NKAIN3: variants seen among roughly 807,000 people sequenced by gnomAD.
The protein encoded by NKAIN3 is sodium/potassium-transporting ATPase subunit beta-1-interacting protein 3.
In NKAIN3, 25 loss-of-function variants were observed where a neutral mutation model predicts 30.2. The ratio of observed to expected loss-of-function variants is 0.83; its 90% CI spans 0.60 to 1.16. The LOEUF is 1.16. Ranked by LOEUF, NKAIN3 falls within the 50% of genes most tolerant of loss-of-function variation. NKAIN3 has a pLI of 0.00. For synonymous variants in NKAIN3, 91 were observed against 89.6 expected (o/e 1.02, Z -0.09); for missense variants, 225 against 254.1 (o/e 0.89, Z 0.78).
At chr8:62,438,027 TATTA>T (rs750039100) in intron 1 of NKAIN3, among the ~76,000 whole-genome samples, 107 of 152,326 alleles carry the variant, frequency 7.0e-4, no homozygotes, top group Middle Eastern at 6.8e-3. Flanking sequence ...CATAAACCTA[TATTA>T]ATTATTTCCA....
intron 1 of NKAIN3, among the ~76,000 whole-genome samples, chr8:62,359,289 C>T (rs1450692299): frequency 6.6e-6 from 1 of 152,076 alleles, no homozygotes; most frequent in African/African-American, 2.4e-5. Flanking sequence ...CAATAAATAC[C>T]ATCCTTTTTA....
At chr8:62,802,681 C>T (rs10094781) in intron 4 of NKAIN3, among the ~76,000 whole-genome samples, 2,986 of 152,234 alleles carry the variant, frequency 0.02, 96 homozygotes, top group African/African-American at 0.068. Context: ...TAAAGACCAT[C>T]GAGGCTAGGA....
intron 1 of NKAIN3, among the ~76,000 whole-genome samples, chr8:62,525,424 C>T (rs540521228): frequency 6.6e-6 from 1 of 152,244 alleles, no homozygotes; most frequent in South Asian, 2.1e-4. Context: ...CTGTTTTGTA[C>T]ACCAGCTTCT....
In NKAIN3 at chr8:62,969,985, A is replaced by G. The variant is rs956036154; in HGVS notation, c.*4578A>G. ...TGAGATGAAAGAATCACTTGAGGCCAGGAGTTCAAGACCAGCTTGGGCAAA... is the reference window on the plus strand; with the variant it reads ...TGAGATGAAAGAATCACTTGAGGCCGGGAGTTCAAGACCAGCTTGGGCAAA... On this transcript the variant is annotated 3_prime_UTR_variant, in exon 7 of 7. Transcript: ENST00000623646. Among the ~76,000 whole-genome samples, 17 of 152,192 alleles carry G rather than the reference A, an allele frequency of 1.1e-4. No homozygotes were observed. Among genetic ancestry groups the G allele is most frequent in the African/African-American group, 4.1e-4 (17 of 41,454 alleles).
At chr8:62,750,134 C>T (rs975474849) in intron 4 of NKAIN3, among the ~76,000 whole-genome samples, 2 of 151,920 alleles carry the variant, frequency 1.3e-5, no homozygotes, top group African/African-American at 4.8e-5. Flanking sequence ...AATAGAGGGG[C>T]AGCTTCGAGA....
At chr8:62,307,267 CAAAAA>C (rs10598782) in intron 1 of NKAIN3, among the ~76,000 whole-genome samples, 3 of 107,964 alleles carry the variant, frequency 2.8e-5, no homozygotes, top group African/African-American at 3.4e-5. Context: ...TCTCTTCTAG[CAAAAA>C]AAAAAAAAAA....
chr8:62,868,060 A>G (rs1415201298), intron 4 of NKAIN3, among the ~76,000 whole-genome samples: 1 of 152,208 alleles, frequency 6.6e-6, no homozygotes, highest in Non-Finnish European at 1.5e-5. Context: ...CAAAGAGTGT[A>G]CTGGATCTGA....
intron 3 of NKAIN3, among the ~76,000 whole-genome samples, chr8:62,704,663 G>T (rs1005891358): frequency 6.6e-6 from 1 of 152,172 alleles, no homozygotes; most frequent in Non-Finnish European, 1.5e-5. Flanking sequence ...ATCCCAAAGA[G>T]AGCCTTCTAG....
chr8:62,600,569 G>A (rs907596093), intron 3 of NKAIN3, among the ~76,000 whole-genome samples: 43 of 151,992 alleles, frequency 2.8e-4, no homozygotes, highest in Admixed American at 4.6e-4. Flanking sequence ...GCTTCCTTCC[G>A]AAGGTCACTT....
chr8:62,629,299 C>T (rs114297409), intron 3 of NKAIN3, among the ~76,000 whole-genome samples: 167 of 152,154 alleles, frequency 1.1e-3, no homozygotes, highest in African/African-American at 3.8e-3. Context: ...TAATATACAC[C>T]ATAACCCTAG....
At chr8:62,900,145 G>C (rs1203440885) in intron 4 of NKAIN3, among the ~76,000 whole-genome samples, 1 of 152,042 alleles carries the variant, frequency 6.6e-6, no homozygotes, top group Non-Finnish European at 1.5e-5. Context: ...AATTGAAAAA[G>C]TTACAATAAG....
At chr8:62,367,918 C>G (rs1025039471) in intron 1 of NKAIN3, among the ~76,000 whole-genome samples, 1 of 152,002 alleles carries the variant, frequency 6.6e-6, no homozygotes, top group African/African-American at 2.4e-5. Context: ...TCAGTAGTGT[C>G]TCTACACTAA....
chr8:62,274,789 C>G (rs1177953528), intron 1 of NKAIN3, among the ~76,000 whole-genome samples: 1 of 146,744 alleles, frequency 6.8e-6, no homozygotes, highest in East Asian at 2.1e-4. Context: ...TGTTCCCCTT[C>G]CTGTGTCCAT....
intron 1 of NKAIN3, among the ~76,000 whole-genome samples, chr8:62,345,376 T>TATATACAC (rs1563942344): frequency 4.2e-4 from 8 of 19,124 alleles, no homozygotes; most frequent in South Asian, 5.3e-3. Flanking sequence ...TATATACACA[T>TATATACAC]ATATGTATAT....
At chr8:62,453,391 G>A (rs1267463585) in intron 1 of NKAIN3, among the ~76,000 whole-genome samples, 5 of 152,098 alleles carry the variant, frequency 3.3e-5, no homozygotes, top group African/African-American at 1.2e-4. Context: ...AGTGTTGAGT[G>A]GGGAGTTTAT....
intron 5 of NKAIN3, among the ~76,000 whole-genome samples, chr8:62,941,765 A>G (rs62508084): frequency 0.071 from 10,739 of 152,226 alleles, 382 homozygotes; most frequent in South Asian, 0.14. Context: ...ACATACCTTA[A>G]GGTCATAAAA....
chr8:62,856,607 A>C (rs1225321610), intron 4 of NKAIN3: 10 of 778,084 alleles, frequency 1.3e-5, no homozygotes, highest in East Asian at 1.2e-4. Context: ...TCTTGTTATG[A>C]CTCATCATGA....
At chr8:62,656,154 G>A (rs1812757832) in intron 3 of NKAIN3, among the ~76,000 whole-genome samples, 1 of 152,054 alleles carries the variant, frequency 6.6e-6, no homozygotes, top group Admixed American at 6.6e-5. Flanking sequence ...TTCAGGAGCC[G>A]ATTTTGCTGC....
At position 62,981,578 on chromosome 8, in the gene NKAIN3, G is replaced by A. The variant is rs931466902; in HGVS notation, c.*16171G>A. On this transcript the variant is annotated 3_prime_UTR_variant, in exon 7 of 7. Transcript: ENST00000623646. Reference sequence around the variant, plus strand: ...ACTTAGGAGTGATAACTCACATTGAGAACTTGTGATCTGAAAGCACTAAGG... The same window carrying A: ...ACTTAGGAGTGATAACTCACATTGAAAACTTGTGATCTGAAAGCACTAAGG... The A allele has an allele frequency of 5.9e-5, 9 of 151,968 alleles. No homozygotes were observed. Among genetic ancestry groups the A allele is most frequent in the African/African-American group, 2.2e-4 (9 of 41,384 alleles). The allele number at this position is 151,968 out of a possible 1,614,324, so 9.4% of individuals were successfully genotyped here. A position where few individuals can be genotyped will look rare whatever the true frequency, so the allele number is the denominator to read the frequency against.
Sources: allele counts gnomAD v4.1 joint callset (sites outside exome capture counted in the v4.1 genomes callset), GRCh38; gene constraint gnomAD v4.1.1; transcripts MANE v1.5; gene names NCBI Gene and HGNC (gene_info 2026-07-23, HGNC 2026-07-21).